Variants in EDARADD observed in about 807,000 individuals in gnomAD.
EDARADD encodes the protein ectodysplasin-A receptor-associated adapter protein.
In EDARADD, 20 loss-of-function variants were observed where a neutral mutation model predicts 25.6. The observed-to-expected ratio is 0.78, with a 90% CI of 0.55 to 1.14. The LOEUF (loss-of-function observed/expected upper bound fraction) is 1.14. Ranked by LOEUF, EDARADD falls within the 50% of genes most tolerant of loss-of-function variation. EDARADD has a pLI of 0.00. For missense variants in EDARADD, 225 were observed against 270.1 expected (o/e 0.83, Z 1.17); for synonymous variants, 86 against 94.4 (o/e 0.91, Z 0.52).
At chr1:236,409,750 G>A (rs142905555) in intron 2 of EDARADD, among the ~76,000 whole-genome samples, 4,744 of 150,238 alleles carry the variant, frequency 0.032, 223 homozygotes, top group African/African-American at 0.11. Flanking sequence ...TTTTGGTAGA[G>A]TGGGGGTTTC....
At chr1:236,450,925 G>A (rs1338346768) in intron 4 of EDARADD, among the ~76,000 whole-genome samples, 1 of 152,124 alleles carries the variant, frequency 6.6e-6, no homozygotes, top group Non-Finnish European at 1.5e-5. Flanking sequence ...GAGATCCAGA[G>A]TGGTTAAATA....
At chr1:236,377,801 T>G (rs1572115768) in intron 3 of EDARADD, among the ~76,000 whole-genome samples, 1 of 151,768 alleles carries the variant, frequency 6.6e-6, no homozygotes, top group Admixed American at 6.6e-5. Flanking sequence ...GAGGTTGCAG[T>G]GAGCCAAGAT....
intron 4 of EDARADD, among the ~76,000 whole-genome samples, chr1:236,456,011 G>C (rs575534972): frequency 6.6e-6 from 1 of 152,146 alleles, no homozygotes; most frequent in Non-Finnish European, 1.5e-5. Context: ...GGATGGTCTC[G>C]ATCTGCTGAC....
chr1:236,403,092 A>C (rs1667643358), intron 1 of EDARADD, among the ~76,000 whole-genome samples: 1 of 151,872 alleles, frequency 6.6e-6, no homozygotes, highest in Non-Finnish European at 1.5e-5. Context: ...AGTAGCTGGG[A>C]TTACAAGCAT....
intron 3 of EDARADD, among the ~76,000 whole-genome samples, chr1:236,353,603 G>A (rs534671298): frequency 6.0e-4 from 91 of 151,342 alleles, no homozygotes; most frequent in African/African-American, 2.1e-3. Context: ...ACTTGAACCC[G>A]GGAGGCGGAG....
intron 5 of EDARADD, among the ~76,000 whole-genome samples, chr1:236,478,402 T>C (rs1355207163): frequency 1.4e-5 from 2 of 146,740 alleles, no homozygotes; most frequent in East Asian, 3.9e-4. Flanking sequence ...TTTATATATA[T>C]ATATAAATGG....
At chr1:236,410,154 A>G (rs906291698) in intron 2 of EDARADD, among the ~76,000 whole-genome samples, 2 of 152,184 alleles carry the variant, frequency 1.3e-5, no homozygotes, top group African/African-American at 4.8e-5. Flanking sequence ...GATGCATAGC[A>G]TAATGGTTAG....
intron 3 of EDARADD, among the ~76,000 whole-genome samples, chr1:236,364,075 C>G (rs1428069608): frequency 6.6e-6 from 1 of 151,904 alleles, no homozygotes; most frequent in African/African-American, 2.4e-5. Flanking sequence ...TCACTTGAAC[C>G]CAGGAGGTGG....
At chr1:236,367,844 C>T (rs1479820314) in intron 3 of EDARADD, among the ~76,000 whole-genome samples, 1 of 152,180 alleles carries the variant, frequency 6.6e-6, no homozygotes, top group Non-Finnish European at 1.5e-5. Context: ...CATTGTGGCT[C>T]ATGCCTGTAA....
chr1:236,475,758 C>G (rs1659484605), intron 5 of EDARADD, among the ~76,000 whole-genome samples: 1 of 151,244 alleles, frequency 6.6e-6, no homozygotes, highest in Non-Finnish European at 1.5e-5. Context: ...GGGCAAGACT[C>G]CGTCTCAAAA....
intron 3 of EDARADD, among the ~76,000 whole-genome samples, chr1:236,364,451 A>C (rs1216326159): frequency 1.3e-5 from 2 of 152,178 alleles, no homozygotes; most frequent in African/African-American, 4.8e-5. Context: ...TGGGATTTTG[A>C]TTATAATTAC....
At chr1:236,354,896 C>T (rs745724502) in intron 3 of EDARADD, among the ~76,000 whole-genome samples, 2 of 152,182 alleles carry the variant, frequency 1.3e-5, no homozygotes, top group African/African-American at 2.4e-5. Flanking sequence ...AGCCATTGTG[C>T]ATGCATTTGG....
intron 2 of EDARADD, 42 bp from the exon 3 acceptor site, chr1:236,414,218 T>C (rs1484928338): frequency 6.5e-7 from 1 of 1,534,006 alleles, no homozygotes; most frequent in East Asian, 2.3e-5. Context: ...TGATCTTACA[T>C]GGCATTTAAA....
intron 3 of EDARADD, among the ~76,000 whole-genome samples, chr1:236,416,405 G>C (rs1279869059): frequency 6.6e-6 from 1 of 152,182 alleles, no homozygotes; most frequent in Non-Finnish European, 1.5e-5. Flanking sequence ...ATTGAATGTC[G>C]TGGTGCCATC....
intron 4 of EDARADD, among the ~76,000 whole-genome samples, chr1:236,447,922 G>A (rs927572596): frequency 4.0e-5 from 6 of 151,136 alleles, no homozygotes; most frequent in Admixed American, 3.3e-4. Flanking sequence ...TGCAACCTCC[G>A]CCTCCCAGGT....
chr1:236,450,162 T>A (rs1293439204), intron 4 of EDARADD, among the ~76,000 whole-genome samples: 1 of 150,594 alleles, frequency 6.6e-6, no homozygotes, highest in Non-Finnish European at 1.5e-5. Context: ...CCCAGTGTGG[T>A]GGTGCAAGTC....
In EDARADD at chr1:236,483,312, C is replaced by T. The variant is rs1427640890; in HGVS notation, c.*663C>T. 17 of 1,598,638 alleles carry T rather than the reference C, an allele frequency of 1.1e-5. No homozygotes were observed. The highest frequency in any genetic ancestry group is 1.5e-5 in the Non-Finnish European group (17 of 1,168,598). On this transcript the variant is annotated 3_prime_UTR_variant, in exon 6 of 6. Transcript: ENST00000334232. ...TGGTATCTATGAGGTCCTAGAGCTCCAGGACAATGATAAGACTCGCTATAT... is the reference window on the plus strand; with the variant it reads ...TGGTATCTATGAGGTCCTAGAGCTCTAGGACAATGATAAGACTCGCTATAT...
chr1:236,416,663 A>G (rs999521216), intron 3 of EDARADD, among the ~76,000 whole-genome samples: 1 of 152,230 alleles, frequency 6.6e-6, no homozygotes, highest in African/African-American at 2.4e-5. Flanking sequence ...TGGAGTGAAC[A>G]TTATTATTAA....
At chr1:236,436,448 C>T (rs1658253927) in intron 4 of EDARADD, among the ~76,000 whole-genome samples, 1 of 151,930 alleles carries the variant, frequency 6.6e-6, no homozygotes, top group Non-Finnish European at 1.5e-5. Flanking sequence ...AGGCGTGAGC[C>T]ACTGCACCCA....
Sources: gnomAD v4.1 joint callset for allele counts (sites outside exome capture counted in the v4.1 genomes callset) on GRCh38, gnomAD v4.1.1 for gene constraint, MANE v1.5 for transcripts, NCBI Gene and HGNC (gene_info 2026-07-23, HGNC 2026-07-21) for gene names.